The following CSRNP3 variants were observed in gnomAD, a reference collection of about 807,000 sequenced individuals.
CSRNP3 encodes the protein cysteine and serine rich nuclear protein 3, also known as cysteine/serine-rich nuclear protein 3.
In CSRNP3, 12 loss-of-function variants were observed where a neutral mutation model predicts 48.0. The ratio of observed to expected loss-of-function variants is 0.25; its 90% CI spans 0.16 to 0.41. The LOEUF (loss-of-function observed/expected upper bound fraction) is 0.41, where lower values mean the gene tolerates loss of function less well. Ranked by LOEUF, CSRNP3 falls within the 10% of genes least tolerant of loss-of-function variation. CSRNP3 has a pLI of 1.00. For synonymous variants in CSRNP3, 263 were observed against 269.7 expected, an observed-to-expected ratio of 0.98 and a Z score of 0.24; for missense variants, 580 against 724.4, an observed-to-expected ratio of 0.80 and a Z score of 2.29.
At chr2:165,527,457 A>G (rs2063766) in intron 3 of CSRNP3, among the ~76,000 whole-genome samples, 150,733 of 152,056 alleles carry the variant, frequency 0.99, 74,727 homozygotes, top group East Asian at 1. Flanking sequence ...CGTCCTGCTC[A>G]GCCTCCTAAA....
chr2:165,472,392 A>G (rs936871583), intron 1 of CSRNP3, among the ~76,000 whole-genome samples: 5 of 152,038 alleles, frequency 3.3e-5, no homozygotes, highest in Non-Finnish European at 5.9e-5. Flanking sequence ...AAAATTTAAT[A>G]TAAATCACTG....
intron 3 of CSRNP3, among the ~76,000 whole-genome samples, chr2:165,578,175 A>T (rs1685483705): frequency 6.6e-6 from 1 of 151,924 alleles, no homozygotes; most frequent in Non-Finnish European, 1.5e-5. Flanking sequence ...CTTCTTGCCA[A>T]TTTGGGGACT....
chr2:165,484,134 G>A (rs940595343), intron 1 of CSRNP3, among the ~76,000 whole-genome samples: 6 of 152,066 alleles, frequency 3.9e-5, no homozygotes, highest in Admixed American at 2.0e-4. Flanking sequence ...TTGAGACAGA[G>A]TCCCACTGTC....
At chr2:165,554,072 C>G (rs968326462) in intron 3 of CSRNP3, among the ~76,000 whole-genome samples, 2 of 152,124 alleles carry the variant, frequency 1.3e-5, no homozygotes, top group Admixed American at 6.6e-5. Flanking sequence ...AAATTTTCAG[C>G]CATCCATTTA....
At chr2:165,655,363 C>A (rs945425567) in intron 4 of CSRNP3, among the ~76,000 whole-genome samples, 4 of 152,136 alleles carry the variant, frequency 2.6e-5, no homozygotes, top group African/African-American at 9.7e-5. Flanking sequence ...TGTTTTTTAA[C>A]CGTTGATAAT....
At chr2:165,583,026 T>TA (rs1230468878) in intron 3 of CSRNP3, among the ~76,000 whole-genome samples, 1 of 152,218 alleles carries the variant, frequency 6.6e-6, no homozygotes, top group African/African-American at 2.4e-5. Context: ...ACAAGTGAAG[T>TA]ACATTTGGCC....
chr2:165,593,647 A>C (rs1685760685), intron 3 of CSRNP3, among the ~76,000 whole-genome samples: 1 of 152,194 alleles, frequency 6.6e-6, no homozygotes, highest in Admixed American at 6.5e-5. Context: ...CAGTACAGAG[A>C]TAATATAACT....
chr2:165,546,301 T>C (rs1008053982), intron 3 of CSRNP3, among the ~76,000 whole-genome samples: 1 of 152,140 alleles, frequency 6.6e-6, no homozygotes, highest in African/African-American at 2.4e-5. Flanking sequence ...CAAGCGATTC[T>C]CCTGCCTTAG....
intron 3 of CSRNP3, among the ~76,000 whole-genome samples, chr2:165,550,967 G>T (rs1421797620): frequency 6.6e-6 from 1 of 152,026 alleles, no homozygotes; most frequent in Non-Finnish European, 1.5e-5. Context: ...CCCTTCCAAA[G>T]AAGACTTACT....
At chr2:165,673,126 T>C (rs1034650738) in intron 5 of CSRNP3, among the ~76,000 whole-genome samples, 1 of 131,046 alleles carries the variant, frequency 7.6e-6, no homozygotes, top group African/African-American at 2.8e-5. Flanking sequence ...AAACAGTATG[T>C]AGCTCTTTTT....
intron 3 of CSRNP3, among the ~76,000 whole-genome samples, chr2:165,559,662 G>C (rs974983449): frequency 1.3e-5 from 2 of 151,906 alleles, no homozygotes; most frequent in Non-Finnish European, 2.9e-5. Flanking sequence ...TGACACATTA[G>C]AATGTAAAAT....
At chr2:165,525,172 C>T (rs1278557519) in intron 3 of CSRNP3, among the ~76,000 whole-genome samples, 1 of 152,148 alleles carries the variant, frequency 6.6e-6, no homozygotes, top group Admixed American at 6.5e-5. Context: ...TGGATAATAA[C>T]ATTGAACATG....
At chr2:165,518,475 G>A (rs1188422797) in intron 3 of CSRNP3, among the ~76,000 whole-genome samples, 1 of 151,902 alleles carries the variant, frequency 6.6e-6, no homozygotes, top group East Asian at 1.9e-4. Flanking sequence ...CAATTAATAT[G>A]AAGGAACAGG....
At chr2:165,558,053 C>A (rs1439149387) in intron 3 of CSRNP3, among the ~76,000 whole-genome samples, 1 of 151,866 alleles carries the variant, frequency 6.6e-6, no homozygotes, top group East Asian at 1.9e-4. Flanking sequence ...AAACACTATA[C>A]AAAGAGAAGG....
intron 2 of CSRNP3, among the ~76,000 whole-genome samples, chr2:165,504,732 A>G (rs1684401191): frequency 1.3e-5 from 2 of 152,102 alleles, no homozygotes; most frequent in South Asian, 2.1e-4. Flanking sequence ...TTAGTTTTGT[A>G]AAATGCTAAA....
intron 4 of CSRNP3, among the ~76,000 whole-genome samples, chr2:165,626,567 T>C (rs1241275654): frequency 6.6e-6 from 1 of 152,220 alleles, no homozygotes; most frequent in East Asian, 1.9e-4. Context: ...GAGCAGAGCA[T>C]TTCTAAAAGC....
chr2:165,559,858 G>C (rs1002028916), intron 3 of CSRNP3, among the ~76,000 whole-genome samples: 53 of 129,424 alleles, frequency 4.1e-4, no homozygotes, highest in African/African-American at 1.5e-3. Flanking sequence ...GGAGTGCAGT[G>C]GCACGATCTC....
rs1686216484 is a variant in CSRNP3, at chr2:165,615,182, C to T, written c.148+19969C>T. On this transcript the variant is annotated intron_variant, in intron 4 of 6. Transcript: ENST00000651982. ...TGAAGTCCTATTATTGCTTTTGTGT[C>T]TCTCTTTAATAATATTTGCTTTATA... 2.0e-5 allele frequency among the ~76,000 whole-genome samples: 3 copies of T among 152,130 alleles called. No homozygotes were observed. The South Asian group carries it at 6.2e-4, about 31-fold the overall frequency.
chr2:165,520,822 T>C (rs1574818553), intron 3 of CSRNP3, among the ~76,000 whole-genome samples: 1 of 99,150 alleles, frequency 1.0e-5, no homozygotes, highest in South Asian at 3.8e-4. Flanking sequence ...TATATATATA[T>C]ATATACATAT....
Sources: allele counts gnomAD v4.1 joint callset (sites outside exome capture counted in the v4.1 genomes callset), GRCh38; gene constraint gnomAD v4.1.1; transcripts MANE v1.5; gene names NCBI Gene and HGNC (gene_info 2026-07-23, HGNC 2026-07-21).